The following PARD3 variants were observed in gnomAD, a reference collection of about 807,000 sequenced individuals.
PARD3 encodes par-3 family cell polarity regulator, also known as partitioning defective 3 homolog.
PARD3 carries 75 observed loss-of-function variants against 155.4 expected under a neutral mutation model. The observed-to-expected ratio is 0.48, with a 90% CI of 0.40 to 0.58. PARD3 has a LOEUF of 0.58. Among genes scored for constraint, PARD3 ranks in the 20% least tolerant of loss-of-function variants. The pLI is 0.00. For missense variants in PARD3, 1,642 were observed against 1,721.7 expected (o/e 0.95, Z 0.82); for synonymous variants, 576 against 610.5 (o/e 0.94, Z 0.83).
chr10:34,601,548 T>A (rs1049098743), intron 2 of PARD3, among the ~76,000 whole-genome samples: 1 of 152,200 alleles, frequency 6.6e-6, no homozygotes. Flanking sequence ...ATTTTTCACA[T>A]GGAAGTTAAT....
At position 34,179,166 on chromosome 10, in the gene PARD3, GCGCACA is replaced by G. The variant is rs1166190920; in HGVS notation, c.3420-47589_3420-47584del. 9.2e-4 allele frequency among the ~76,000 whole-genome samples: 121 copies of G among 131,286 alleles called. 2 individuals carry two copies. The East Asian group carries it at 0.011, about 12-fold the overall frequency. The allele number at this position is 131,286 out of a possible 152,430, so 86.1% of individuals were successfully genotyped here. On this transcript the variant is annotated intron_variant, in intron 22 of 24. Coordinates refer to ENST00000374788, the MANE Select transcript of PARD3 (RefSeq NM_001184785.2). ...TCATTTATAGCACGCATGTGCGTGC[GCGCACA>G]CACACACACACACACACACACACAC...
intron 22 of PARD3, among the ~76,000 whole-genome samples, chr10:34,206,048 A>C (rs1951463812): frequency 6.6e-6 from 1 of 152,142 alleles, no homozygotes; most frequent in South Asian, 2.1e-4. Context: ...AGAAAAGCAG[A>C]TCCACATGGA....
intron 22 of PARD3, among the ~76,000 whole-genome samples, chr10:34,221,936 ATT>A (rs1952318363): frequency 6.6e-6 from 1 of 152,192 alleles, no homozygotes; most frequent in Non-Finnish European, 1.5e-5. Context: ...AGGCTCTTAC[ATT>A]TGCTTTAAAA....
intron 1 of PARD3, among the ~76,000 whole-genome samples, chr10:34,789,934 T>TA (rs1329602208): frequency 6.6e-6 from 1 of 152,234 alleles, no homozygotes; most frequent in African/African-American, 2.4e-5. Flanking sequence ...AAACATCCAG[T>TA]ATGCTTGCTC....
chr10:34,381,587 A>G (rs1211801089), intron 9 of PARD3, among the ~76,000 whole-genome samples: 1 of 152,132 alleles, frequency 6.6e-6, no homozygotes, highest in African/African-American at 2.4e-5. Context: ...AATGGATGGA[A>G]GATGTATGAA....
At chr10:34,155,630 T>C (rs1948969203) in intron 22 of PARD3, among the ~76,000 whole-genome samples, 2 of 151,916 alleles carry the variant, frequency 1.3e-5, no homozygotes, top group South Asian at 4.2e-4. Context: ...CAGCTTTTTT[T>C]TCTTTCATCA....
At chr10:34,358,873 C>T (rs1158836672) in intron 14 of PARD3, among the ~76,000 whole-genome samples, 1 of 152,124 alleles carries the variant, frequency 6.6e-6, no homozygotes, top group South Asian at 2.1e-4. Flanking sequence ...ACCCTGATTT[C>T]AAGAAAAAAT....
At chr10:34,375,259 G>C (rs1453056686) in intron 10 of PARD3, among the ~76,000 whole-genome samples, 1 of 152,222 alleles carries the variant, frequency 6.6e-6, no homozygotes, top group Non-Finnish European at 1.5e-5. Context: ...AACCCAAAGT[G>C]ACAATCACCA....
At chr10:34,613,554 T>C (rs1590232928) in intron 2 of PARD3, among the ~76,000 whole-genome samples, 1 of 152,286 alleles carries the variant, frequency 6.6e-6, no homozygotes, top group East Asian at 1.9e-4. Context: ...CAGCTTACAA[T>C]TAATCATAAT....
At chr10:34,467,813 T>G (rs796118677) in intron 4 of PARD3, among the ~76,000 whole-genome samples, 2 of 152,316 alleles carry the variant, frequency 1.3e-5, no homozygotes, top group African/African-American at 4.8e-5. Context: ...TGTGGTTAAT[T>G]GGCAGTGAGA....
chr10:34,227,856 T>TTTATATATATATATATATA (rs1554814033), intron 22 of PARD3, among the ~76,000 whole-genome samples: 1 of 82,278 alleles, frequency 1.2e-5, no homozygotes, highest in Non-Finnish European at 2.3e-5. Flanking sequence ...GAATTATTTT[T>TTTATATATATATATATATA]TATATATATA....
rs373437697 is a variant in PARD3, at chr10:34,470,403, AAC to A, written c.404-142_404-141del. The A allele has an allele frequency of 9.8e-4, 565 of 573,798 alleles. 9 individuals carry two copies. The highest frequency in any genetic ancestry group is 8.3e-3 in the South Asian group (246 of 29,692). The allele number at this position is 573,798 out of a possible 1,614,324, so 35.5% of individuals were successfully genotyped here. A position where few individuals can be genotyped will look rare whatever the true frequency, so the allele number is the denominator to read the frequency against. ...AGGGGACAAGTGGGTCAGTATTCTA[AAC>A]ACAAATTCCTTTAGGTCCTTTAAAA... On this transcript the variant is annotated intron_variant, in intron 3 of 24. Transcript: ENST00000374788.
chr10:34,600,122 C>T (rs2089631535), intron 2 of PARD3, among the ~76,000 whole-genome samples: 2 of 150,908 alleles, frequency 1.3e-5, no homozygotes, highest in Non-Finnish European at 2.9e-5. Context: ...ATGGCTTGAG[C>T]TCAGGAGTTC....
At chr10:34,599,151 TC>T (rs918651469) in intron 2 of PARD3, among the ~76,000 whole-genome samples, 15 of 152,120 alleles carry the variant, frequency 9.9e-5, no homozygotes, top group African/African-American at 3.6e-4. Flanking sequence ...CATCCCCACT[TC>T]CGTCATCAGC....
intron 22 of PARD3, among the ~76,000 whole-genome samples, chr10:34,150,220 A>C (rs534009313): frequency 5.9e-5 from 9 of 152,236 alleles, no homozygotes; most frequent in Admixed American, 1.3e-4. Flanking sequence ...GAGGCACTTC[A>C]TAAACACTCA....
At chr10:34,365,791 T>C (rs967886107) in intron 12 of PARD3, among the ~76,000 whole-genome samples, 1 of 152,202 alleles carries the variant, frequency 6.6e-6, no homozygotes. Flanking sequence ...TTTCGCCATG[T>C]TGGTCAGGCT....
At chr10:34,696,783 T>A (rs1024088439) in intron 1 of PARD3, among the ~76,000 whole-genome samples, 1 of 151,498 alleles carries the variant, frequency 6.6e-6, no homozygotes, top group African/African-American at 2.4e-5. Context: ...CAATGCAATC[T>A]ACAGAAATAT....
chr10:34,455,987 T>G (rs1191791858), intron 4 of PARD3, among the ~76,000 whole-genome samples: 1 of 152,240 alleles, frequency 6.6e-6, no homozygotes, highest in Non-Finnish European at 1.5e-5. Context: ...TTTTCCTTTT[T>G]GCTAACAGGT....
intron 3 of PARD3, among the ~76,000 whole-genome samples, chr10:34,481,859 G>T (rs2079100481): frequency 6.6e-6 from 1 of 151,786 alleles, no homozygotes; most frequent in East Asian, 1.9e-4. Context: ...TTGAGACAGG[G>T]TCTTGCTCTG....
Sources: gnomAD v4.1 joint callset for allele counts (sites outside exome capture counted in the v4.1 genomes callset) on GRCh38, gnomAD v4.1.1 for gene constraint, MANE v1.5 for transcripts, NCBI Gene and HGNC (gene_info 2026-07-23, HGNC 2026-07-21) for gene names.